The following TMX4 variants were observed in gnomAD, a reference collection of about 807,000 sequenced individuals.
TMX4 encodes the protein thioredoxin-related transmembrane protein 4.
In TMX4, 23 loss-of-function variants were observed where a neutral mutation model predicts 33.3. The observed-to-expected ratio is 0.69, with a 90% CI of 0.50 to 0.98. The LOEUF is 0.98. Ranked by LOEUF, TMX4 falls within the 50% of genes least tolerant of loss-of-function variation. The probability of loss-of-function intolerance (pLI) is 0.00; values close to 1 mark genes in which losing one functional copy is unlikely to be tolerated. For synonymous variants in TMX4, 164 were observed against 161.5 expected (o/e 1.02, Z -0.12); for missense variants, 399 against 448.9 (o/e 0.89, Z 1.01).
In TMX4 at chr20:7,978,481, A is replaced by T. The variant is rs1434345503; in HGVS notation, c.*3770T>A. 2 of 152,218 alleles carry T rather than the reference A, an allele frequency of 1.3e-5. No individual in the cohort carries two copies. The highest frequency in any genetic ancestry group is 2.9e-5 in the Non-Finnish European group (2 of 68,026). 9.4% of individuals were successfully genotyped at this position (152,218 alleles called of 1,614,324 possible). A position where few individuals can be genotyped will look rare whatever the true frequency, so the allele number is the denominator to read the frequency against. On this transcript the variant is annotated 3_prime_UTR_variant, in exon 8 of 8. Coordinates refer to ENST00000246024, the MANE Select transcript of TMX4 (RefSeq NM_021156.4). ...TGTTTTTACAGGATGCAGGTTCTGT[A>T]GACTGACATATTCCCAAATCATATT...
intron 1 of TMX4, 122 bp from the exon 2 acceptor site, chr20:8,010,437 T>C (rs1219867832): frequency 2.2e-5 from 12 of 549,868 alleles, no homozygotes; most frequent in African/African-American, 3.9e-5. Context: ...AAGGAGGCTT[T>C]TCCAAAGTCA....
intron 6 of TMX4, among the ~76,000 whole-genome samples, chr20:7,985,976 A>G (rs6055440): frequency 0.071 from 10,835 of 152,204 alleles, 1,252 homozygotes; most frequent in African/African-American, 0.24. Context: ...CACAACCTAC[A>G]TTCCCTATAA....
At position 7,982,507 on chromosome 20, in the gene TMX4, T is replaced by C. The variant is rs1347399206; in HGVS notation, c.794A>G (p.Glu265Gly). Residue 265 changes from glutamate to glycine, a missense_variant, in exon 8 of 8, where the codon GAA becomes GGA. By Grantham distance (98) the Glu-to-Gly change is moderately conservative. Transcript: ENST00000246024. ...CTCATCGCCAAGATCTTCTTTCTCTTCTTCATCATCTACAAGGCTGTCTTT... is the reference window on the plus strand; with the variant it reads ...CTCATCGCCAAGATCTTCTTTCTCTCCTTCATCATCTACAAGGCTGTCTTT... ...ENKDSLVDDE[E>G]EKEDLGDEDE... 1.2e-6 allele frequency: 2 copies of C among 1,613,792 alleles called. No homozygotes were observed. Among genetic ancestry groups the C allele is most frequent in the African/African-American group, 2.7e-5 (2 of 74,918 alleles).
chr20:8,015,642 T>C (rs977614486), intron 1 of TMX4, among the ~76,000 whole-genome samples: 3 of 152,198 alleles, frequency 2.0e-5, no homozygotes, highest in African/African-American at 7.2e-5. Flanking sequence ...CTCTCAAACA[T>C]TCCATCAAGA....
At chr20:8,018,385 AGAGAGAGGGAGGGAGGGAG>A (rs2050787434) in intron 1 of TMX4, among the ~76,000 whole-genome samples, 6 of 53,668 alleles carry the variant, frequency 1.1e-4, no homozygotes, top group Non-Finnish European at 1.6e-4. Context: ...GAGGAGAGAG[AGAGAGAGGGAGGGAGGGAG>A]GGAGAGAGAG....
chr20:8,006,820 G>A lies in TMX4; in HGVS notation c.292+3380C>T, dbSNP rs560222592. ...GTTGCCCAGCCTGGAGTGCAATAGC[G>A]CTATCTCGGCTCACTGCAACCTCTG... On this transcript the variant is annotated intron_variant, in intron 2 of 7. Transcript: ENST00000246024. Among the ~76,000 whole-genome samples the A allele has an allele frequency of 4.5e-4, 67 of 150,030 alleles. 1 individual carries two copies. The highest frequency in any genetic ancestry group is 1.0e-3 in the Admixed American group (15 of 15,048).
chr20:7,999,735 A>G lies in TMX4; in HGVS notation c.464T>C (p.Leu155Pro). Residue 155 changes from leucine (L) to proline (P), a missense_variant, in exon 4 of 8, where the codon CTA becomes CCA. Transcript: ENST00000246024. The stretch of plus-strand genomic sequence containing the variant: ...TTGTCTTAAAAAATTGAGTTACGTT[A>G]GAGAAGCCGGGGATTTCCAGCCAGT... ...PLTGWKSPAS[L>P]TMSGMAGLFS... 6.2e-7 allele frequency: 1 copy of G among 1,610,610 alleles called. No homozygotes were observed. Among genetic ancestry groups the G allele is most frequent in the Non-Finnish European group, 8.5e-7 (1 of 1,179,084 alleles).
intron 5 of TMX4, among the ~76,000 whole-genome samples, chr20:7,992,220 ACTCT>A (rs2050658153): frequency 6.6e-6 from 1 of 152,066 alleles, no homozygotes; most frequent in African/African-American, 2.4e-5. Flanking sequence ...GAAGATGTCA[ACTCT>A]CTGAGAAACT....
intron 5 of TMX4, among the ~76,000 whole-genome samples, chr20:7,994,731 T>C (rs911071263): frequency 2.0e-5 from 3 of 152,306 alleles, no homozygotes; most frequent in Admixed American, 2.0e-4. Flanking sequence ...AATTAGACAG[T>C]ATAATGCTAC....
intron 5 of TMX4, among the ~76,000 whole-genome samples, chr20:7,990,097 C>A (rs558824149): frequency 4.6e-5 from 7 of 152,206 alleles, no homozygotes; most frequent in Admixed American, 2.0e-4. Context: ...GAGTTCGAGA[C>A]CAGCCTGGCC....
intron 4 of TMX4, among the ~76,000 whole-genome samples, 163 bp from the exon 5 acceptor site, chr20:7,996,234 C>A (rs1340178749): frequency 6.6e-6 from 1 of 152,144 alleles, no homozygotes; most frequent in Non-Finnish European, 1.5e-5. Context: ...CAGTGGCTAT[C>A]ATTTGAATCA....
intron 3 of TMX4, 95 bp downstream of exon 3, chr20:8,001,401 T>G (rs1600144761): frequency 1.2e-5 from 15 of 1,263,422 alleles, no homozygotes; most frequent in Non-Finnish European, 1.1e-6. Context: ...CATGTTAAGC[T>G]GAATGAGTGG....
In TMX4 at chr20:8,019,513, G is replaced by A. The variant is rs1373904240; in HGVS notation, c.101C>T (p.Pro34Leu). The A allele has an allele frequency of 4.0e-6, 6 of 1,498,730 alleles. No individual in the cohort carries two copies. In the Admixed American group the frequency reaches 9.3e-5, roughly 23 times the overall value. 92.8% of individuals were successfully genotyped at this position (1,498,730 alleles called of 1,614,324 possible). The change falls in exon 1 of 8, where the codon CCG becomes CTG. Residue 34 changes from proline (P) to leucine (L), a missense_variant. Coordinates refer to ENST00000246024, the MANE Select transcript of TMX4 (RefSeq NM_021156.4). ...TAGPEEAALP[P>L]EQSRVQPMTA... ...CATGGGCTGGACCCGGCTCTGCTCCGGCGGCAGCGCGGCCTCCTCGGGGCC... is the reference window on the plus strand; with the variant it reads ...CATGGGCTGGACCCGGCTCTGCTCCAGCGGCAGCGCGGCCTCCTCGGGGCC...
chr20:8,006,310 T>A (rs1007828391), intron 2 of TMX4, among the ~76,000 whole-genome samples: 3 of 152,190 alleles, frequency 2.0e-5, no homozygotes, highest in Admixed American at 2.0e-4. Flanking sequence ...TCTTAATAGA[T>A]CTACTGATGG....
rs2050697386 is a variant in TMX4, at chr20:7,999,992, T to C, written c.339-132A>G. ...TTTAAATTGACTCAATTGAAAAATA[T>C]ACATAGAGATAAATCAGAAAGAGTT... is the stretch of plus-strand genomic sequence containing the variant. On this transcript the variant is annotated intron_variant, in intron 3 of 7. Coordinates refer to ENST00000246024, the MANE Select transcript of TMX4 (RefSeq NM_021156.4). The C allele has an allele frequency of 5.5e-6, 5 of 903,940 alleles. No individual in the cohort carries two copies. The East Asian group carries it at 1.4e-4, about 25-fold the overall frequency. 56.0% of individuals were successfully genotyped at this position (903,940 alleles called of 1,614,324 possible).
intron 7 of TMX4, 145 bp downstream of exon 7, chr20:7,983,649 C>T: frequency 5.8e-6 from 3 of 514,918 alleles, no homozygotes; most frequent in South Asian, 4.3e-5. Flanking sequence ...TCAAATCTAC[C>T]TAGAAAACAC....
chr20:7,981,203 T>C lies in TMX4; in HGVS notation c.*1048A>G, dbSNP rs890227089. Reference sequence around the variant, plus strand: ...TCAGGTACTGGAGTTCATTAATTCTTTCACCAAAAGCACATCACTGAAGGA... The same window carrying C: ...TCAGGTACTGGAGTTCATTAATTCTCTCACCAAAAGCACATCACTGAAGGA... On this transcript the variant is annotated 3_prime_UTR_variant, in exon 8 of 8. Coordinates refer to ENST00000246024, the MANE Select transcript of TMX4 (RefSeq NM_021156.4). 3.3e-5 allele frequency: 5 copies of C among 152,156 alleles called. No homozygotes were observed. The highest frequency in any genetic ancestry group is 7.4e-5 in the Non-Finnish European group (5 of 68,024). 9.4% of individuals were successfully genotyped at this position (152,156 alleles called of 1,614,324 possible).
At chr20:8,000,059 T>C (rs1301121957) in intron 3 of TMX4, among the ~76,000 whole-genome samples, 199 bp from the exon 4 acceptor site, 1 of 152,208 alleles carries the variant, frequency 6.6e-6, no homozygotes, top group Admixed American at 6.5e-5. Context: ...CCTAAAAGCG[T>C]TAACATTCTA....
At chr20:8,018,444 GA>G (rs2050789801) in intron 1 of TMX4, among the ~76,000 whole-genome samples, 1 of 49,972 alleles carries the variant, frequency 2.0e-5, no homozygotes, top group Non-Finnish European at 3.3e-5. Context: ...GAGAGAGAGA[GA>G]GAGGGGGAGG....
Sources: gnomAD v4.1 joint callset for allele counts (sites outside exome capture counted in the v4.1 genomes callset) on GRCh38, gnomAD v4.1.1 for gene constraint, MANE v1.5 for transcripts, NCBI Gene and HGNC (gene_info 2026-07-23, HGNC 2026-07-21) for gene names.